ABLIM1: variants seen among roughly 807,000 people sequenced by gnomAD.
ABLIM1 encodes the protein actin-binding LIM protein 1.
Under a neutral mutation model 107.0 loss-of-function variants are expected in ABLIM1, and 40 were observed. The observed-to-expected ratio is 0.37, with a 90% confidence interval of 0.29 to 0.49. The LOEUF (loss-of-function observed/expected upper bound fraction) is 0.49, where lower values mean the gene tolerates loss of function less well. Among genes scored for constraint, ABLIM1 ranks in the 20% least tolerant of loss-of-function variants. ABLIM1 has a pLI of 0.97. For synonymous variants in ABLIM1, 357 were observed against 357.3 expected, an observed-to-expected ratio of 1.00 and a Z score of 0.01; for missense variants, 857 against 1,008.5, an observed-to-expected ratio of 0.85 and a Z score of 2.04.
chr10:114,687,396 A>G (rs921141807), upstream of ABLIM1, among the ~76,000 whole-genome samples: 1 of 152,218 alleles, frequency 6.6e-6, no homozygotes, highest in African/African-American at 2.4e-5. Context: ...TTCAAAGCCA[A>G]AAATTTAGGG....
intron 1 of ABLIM1, among the ~76,000 whole-genome samples, chr10:114,728,462 A>G (rs554346692): frequency 1.3e-5 from 2 of 150,666 alleles, no homozygotes; most frequent in East Asian, 2.0e-4. Context: ...CTAAATATCC[A>G]TCAACATTAA....
intron 4 of ABLIM1, among the ~76,000 whole-genome samples, chr10:114,558,302 C>T (rs2483546): frequency 0.37 from 56,632 of 151,948 alleles, 13,888 homozygotes; most frequent in African/African-American, 0.7. Flanking sequence ...ATTAACTATT[C>T]ATTACGCAGG....
intron 12 of ABLIM1, chr10:114,462,922 G>T (rs960662311): frequency 1.3e-5 from 14 of 1,079,822 alleles, no homozygotes; most frequent in Non-Finnish European, 1.8e-5. Context: ...CATGACACAC[G>T]CAGGCATGCT....
At chr10:114,616,864 T>C (rs1566107485) in intron 1 of ABLIM1, among the ~76,000 whole-genome samples, 1 of 152,228 alleles carries the variant, frequency 6.6e-6, no homozygotes, top group African/African-American at 2.4e-5. Flanking sequence ...GATTAATTGA[T>C]TCAATTTTCA....
chr10:114,619,662 A>G lies in ABLIM1; in HGVS notation c.245-17701T>C, dbSNP rs1195982218. ...GCTCCTCCCTCCCTGGCTGTGATAC[A>G]AAAGCAAGGAAACAAGGTAAGCGTG... is the stretch of plus-strand genomic sequence containing the variant. On this transcript the variant is annotated intron_variant, in intron 1 of 22. Transcript: ENST00000533213. The surrounding 1 kb of genome is among the most constrained non-coding windows in gnomAD (Gnocchi z 4.1). Among the ~76,000 whole-genome samples, 1 of 152,206 alleles carries G rather than the reference A, an allele frequency of 6.6e-6. No individual in the cohort carries two copies. The highest frequency in any genetic ancestry group is 1.5e-5 in the Non-Finnish European group (1 of 68,032).
chr10:114,698,135 C>T (rs915306296), intron 1 of ABLIM1, among the ~76,000 whole-genome samples: 2 of 151,672 alleles, frequency 1.3e-5, no homozygotes, highest in East Asian at 1.9e-4. Context: ...AATACACAAA[C>T]ACATGATTCT....
intron 1 of ABLIM1, among the ~76,000 whole-genome samples, chr10:114,751,448 T>TAAGTTTG (rs1363814302): frequency 1.3e-5 from 2 of 152,144 alleles, no homozygotes; most frequent in Non-Finnish European, 2.9e-5. Context: ...CTGTTAGTTT[T>TAAGTTTG]AAGTTTGGAC....
At chr10:114,798,491 G>A in the ABLIM1 span, among the ~76,000 whole-genome samples, 984 of 150,960 alleles carry the variant, frequency 6.5e-3, 5 homozygotes, top group African/African-American at 0.023. Flanking sequence ...CAGCACTTTG[G>A]GAAGCTGAGG....
At chr10:114,622,313 C>G (rs1188965171) in intron 1 of ABLIM1, among the ~76,000 whole-genome samples, 1 of 147,414 alleles carries the variant, frequency 6.8e-6, no homozygotes, top group African/African-American at 2.5e-5. Context: ...ATGGCACGTT[C>G]ATGGCTCATC....
chr10:114,665,060 T>C (rs2079965193), intron 1 of ABLIM1, among the ~76,000 whole-genome samples: 1 of 150,370 alleles, frequency 6.7e-6, no homozygotes, highest in African/African-American at 2.5e-5. Context: ...GAGCTTGCAG[T>C]GAGCCGAGAT....
upstream of ABLIM1, among the ~76,000 whole-genome samples, chr10:114,770,492 AT>A (rs1283120244): frequency 5.3e-5 from 8 of 151,984 alleles, no homozygotes; most frequent in East Asian, 1.5e-3. Context: ...GCCTTTACTC[AT>A]TCTCATTTTT....
At chr10:114,644,329 A>ATATATGTGTG (rs1158947105) in intron 1 of ABLIM1, among the ~76,000 whole-genome samples, 1 of 114,956 alleles carries the variant, frequency 8.7e-6, no homozygotes, top group African/African-American at 4.2e-5. Flanking sequence ...ATATATATAT[A>ATATATGTGTG]TGTGTATATA....
intron 1 of ABLIM1, among the ~76,000 whole-genome samples, chr10:114,696,783 C>T (rs931498833): frequency 1.6e-4 from 24 of 152,134 alleles, no homozygotes; most frequent in African/African-American, 4.1e-4. Context: ...TACCCAGTCT[C>T]GGGTATGTCT....
At chr10:114,765,219 G>A (rs527390131) in intron 1 of ABLIM1, among the ~76,000 whole-genome samples, 2 of 152,006 alleles carry the variant, frequency 1.3e-5, no homozygotes, top group Admixed American at 6.6e-5. Context: ...GCTAATTTTT[G>A]TATTTTTAGT....
chr10:114,443,255 C>T (rs910978909), intron 17 of ABLIM1, among the ~76,000 whole-genome samples: 32 of 152,058 alleles, frequency 2.1e-4, no homozygotes, highest in African/African-American at 6.8e-4. Context: ...GTGTATAAGT[C>T]ATCTTCTTCA....
the ABLIM1 span, among the ~76,000 whole-genome samples, chr10:114,798,460 A>G: frequency 6.8e-6 from 1 of 146,330 alleles, no homozygotes; most frequent in African/African-American, 2.5e-5. Context: ...GGCTGGGCAC[A>G]GTGGCTCACA....
intron 2 of ABLIM1, among the ~76,000 whole-genome samples, chr10:114,576,568 C>T (rs2072590555): frequency 6.6e-6 from 1 of 152,128 alleles, no homozygotes. Context: ...TTCCTAAGGA[C>T]CTGCTCGAAT....
At chr10:114,665,191 T>A (rs902202453) in intron 1 of ABLIM1, among the ~76,000 whole-genome samples, 1 of 152,180 alleles carries the variant, frequency 6.6e-6, no homozygotes, top group African/African-American at 2.4e-5. Flanking sequence ...TATGTATTTC[T>A]ATTGCATTCC....
In ABLIM1 at chr10:114,508,142, A is replaced by G. The variant is rs914846143; in HGVS notation, c.895-16264T>C. ...ACCAGGCTTTGTTGCATTTCATGAC[A>G]TTACAAAATTTTTTTTCTACCTGAG... is the stretch of plus-strand genomic sequence containing the variant. On this transcript the variant is annotated intron_variant, in intron 6 of 22. Transcript: ENST00000533213. 2.0e-5 allele frequency among the ~76,000 whole-genome samples: 3 copies of G among 152,314 alleles called. No individual in the cohort carries two copies. The East Asian group carries it at 5.8e-4, about 29-fold the overall frequency.
Sources: allele counts gnomAD v4.1 joint callset (sites outside exome capture counted in the v4.1 genomes callset), GRCh38; gene constraint gnomAD v4.1.1; non-coding constraint Gnocchi (gnomAD v3.1); transcripts MANE v1.5; gene names NCBI Gene and HGNC (gene_info 2026-07-23, HGNC 2026-07-21).